The following GBP2 variants were observed in gnomAD, a reference collection of about 807,000 sequenced individuals.
GBP2 encodes the protein guanylate-binding protein 2.
A neutral mutation model predicts 60.8 loss-of-function variants in GBP2; 54 were observed. The ratio of observed to expected loss-of-function variants is 0.89; its 90% confidence interval spans 0.71 to 1.11. GBP2 has a LOEUF of 1.11. GBP2 is among the 50% of genes most tolerant of loss of function. The probability of loss-of-function intolerance (pLI) is 0.00; values close to 1 mark genes in which losing one functional copy is unlikely to be tolerated. For missense variants in GBP2, 665 were observed against 703.3 expected, an observed-to-expected ratio of 0.95 and a Z score of 0.62; for synonymous variants, 243 against 256.5, an observed-to-expected ratio of 0.95 and a Z score of 0.50.
At chr1:89,122,094 T>C in intron 1 of GBP2, 111 bp from the exon 2 acceptor site, 3 of 674,684 alleles carry the variant, frequency 4.4e-6, no homozygotes, top group South Asian at 6.6e-5. Flanking sequence ...CATTTTTTCA[T>C]ATACGTTTTT....
Position 89,108,227 on chromosome 1 carries a change from C to T in GBP2, c.1724G>A (p.Trp575Ter). ...TGATTTGCTTCTCATCTGGATATCC[C>T]ATATGTCTTTTTGAAGTCTCTTGCT... ...NESKRLQKDIWDIQMRSKSLE... is the reference protein window; with the variant it reads ...NESKRLQKDI The change falls in exon 11 of 11, where the codon TGG (tryptophan) becomes TAG (stop). Residue 575 changes from tryptophan to a stop codon, truncating the protein, a stop_gained. Coordinates refer to ENST00000370466, the MANE Select transcript of GBP2 (RefSeq NM_004120.5). LOFTEE classifies it low-confidence loss of function (END_TRUNC). The T allele has an allele frequency of 6.2e-7, 1 of 1,613,516 alleles. No homozygotes were observed.
rs754899560 is a variant in GBP2, at chr1:89,114,077, A to G, written c.1088T>C (p.Ile363Thr). ...DLHRDSEREAIEVFMKNSFKD... is the reference protein window; with the variant it reads ...DLHRDSEREATEVFMKNSFKD... Reference sequence around the variant, plus strand: ...GAAAGAGTTCTTCATGAAGACTTCAATGGCCTCTCTCTCACTGTCCCTGTG... The same window carrying G: ...GAAAGAGTTCTTCATGAAGACTTCAGTGGCCTCTCTCTCACTGTCCCTGTG... The change falls in exon 7 of 11, where the codon ATT becomes ACT. Residue 363 changes from isoleucine (I) to threonine (T), a missense_variant. Transcript: ENST00000370466. 39 of 1,614,108 alleles carry G rather than the reference A, an allele frequency of 2.4e-5. No homozygotes were observed. The highest frequency in any genetic ancestry group is 5.3e-5 in the African/African-American group (4 of 74,944).
rs147841544 is a variant in GBP2, at chr1:89,110,426, T to C, written c.1363-160A>G. 4.2e-3 allele frequency among the ~76,000 whole-genome samples: 634 copies of C among 152,230 alleles called. 3 individuals are homozygous for C. Among genetic ancestry groups the C allele is most frequent in the African/African-American group, 0.015 (603 of 41,540 alleles). ...AGCACAATTCGCAATTGTAAAAATA[T>C]GGAATGAGCCCAAATGCCCATCAAT... is the stretch of plus-strand genomic sequence containing the variant. On this transcript the variant is annotated intron_variant, in intron 8 of 10. Transcript: ENST00000370466.
chr1:89,125,614 T>C (rs1681502250), intron 1 of GBP2, among the ~76,000 whole-genome samples: 1 of 152,216 alleles, frequency 6.6e-6, no homozygotes, highest in South Asian at 2.1e-4. Flanking sequence ...CTAATAATGA[T>C]AAAGTTAATT....
At position 89,114,315 on chromosome 1, in the gene GBP2, A is replaced by T. The variant is rs114064192; in HGVS notation, c.869-19T>A. 2,819 of 1,606,854 alleles carry T rather than the reference A, an allele frequency of 1.8e-3. 39 individuals carry two copies. The African/African-American group carries it at 0.031, about 18-fold the overall frequency. ...TCTAGACCTGCAAAAGGGAATTTTT[A>T]AAAAAATGTGACTATCAGTTGGTGG... is the stretch of plus-strand genomic sequence containing the variant. On this transcript the variant is annotated intron_variant, in intron 6 of 10. Coordinates refer to ENST00000370466, the MANE Select transcript of GBP2 (RefSeq NM_004120.5).
chr1:89,108,827 A>G (rs770904032), intron 10 of GBP2, among the ~76,000 whole-genome samples: 6 of 152,196 alleles, frequency 3.9e-5, no homozygotes, highest in Non-Finnish European at 8.8e-5. Context: ...AAGAGCCCAG[A>G]GAACAAGAAA....
intron 6 of GBP2, among the ~76,000 whole-genome samples, chr1:89,115,328 C>T (rs192022661): frequency 2.2e-3 from 332 of 152,280 alleles, no homozygotes; most frequent in African/African-American, 7.7e-3. Flanking sequence ...TATGGCTCAA[C>T]CACTGCAAAT....
chr1:89,124,825 G>T (rs1262293377), intron 1 of GBP2, among the ~76,000 whole-genome samples: 2 of 152,176 alleles, frequency 1.3e-5, no homozygotes, highest in African/African-American at 2.4e-5. Context: ...TATGTTACCA[G>T]ATTTTAACCT....
chr1:89,117,333 A>C, intron 5 of GBP2, 99 bp from the exon 6 acceptor site: 2 of 1,095,948 alleles, frequency 1.8e-6, no homozygotes, highest in Non-Finnish European at 1.3e-6. Flanking sequence ...GTAAGGAGGA[A>C]ATTTATTAGG....
chr1:89,124,271 C>T (rs568921680), intron 1 of GBP2, among the ~76,000 whole-genome samples: 3 of 152,244 alleles, frequency 2.0e-5, no homozygotes, highest in East Asian at 3.9e-4. Context: ...GTGAGATTGC[C>T]AGGTCAAAAG....
In GBP2 at chr1:89,108,305, T is replaced by C. The variant is rs1439226877; in HGVS notation, c.1660-14A>G. On this transcript the variant is annotated splice_polypyrimidine_tract_variant and intron_variant, in intron 10 of 10. Coordinates refer to ENST00000370466, the MANE Select transcript of GBP2 (RefSeq NM_004120.5). ...GCGTTCCTGTTCCTAAAAGGGAAAG[T>C]GGAGACTAAGCCTATCCAGCTTAAC... is the stretch of plus-strand genomic sequence containing the variant. The C allele has an allele frequency of 1.6e-5, 24 of 1,513,624 alleles. No individual in the cohort carries two copies. The highest frequency in any genetic ancestry group is 2.2e-5 in the Non-Finnish European group (24 of 1,089,126). The allele number at this position is 1,513,624 out of a possible 1,614,324, so 93.8% of individuals were successfully genotyped here.
Position 89,108,282 on chromosome 1 carries a change from G to C in GBP2, c.1669C>G (p.Arg557Gly), listed in dbSNP as rs140265239. ...TTCTCGAATCCCTCCTTGAGAAGGC[G>C]TTCCTGTTCCTAAAAGGGAAAGTGG... ...TLALKLQEQE[R>G]LLKEGFENES... The change falls in exon 11 of 11, where the codon CGC (arginine) becomes GGC (glycine). Residue 557 changes from arginine (R) to glycine (G), a missense_variant. Arg to Gly is a moderately radical substitution (Grantham distance 125, BLOSUM62 -2). Coordinates refer to ENST00000370466, the MANE Select transcript of GBP2 (RefSeq NM_004120.5). 11 of 1,605,934 alleles carry C rather than the reference G, an allele frequency of 6.8e-6. No homozygotes were observed. The highest frequency in any genetic ancestry group is 8.5e-6 in the Non-Finnish European group (10 of 1,172,970).
In GBP2 at chr1:89,124,501, T is replaced by C. The variant is rs74971536; in HGVS notation, c.-18+1362A>G. Among the ~76,000 whole-genome samples, 7 of 152,368 alleles carry C rather than the reference T, an allele frequency of 4.6e-5. No homozygotes were observed. In the East Asian group the frequency reaches 1.3e-3, roughly 29 times the overall value. Reference sequence around the variant, plus strand: ...AGCAAAGCTGAGCTCACTAAGCTCATGTACACAGTAATAGGAACTTTTACC... The same window carrying C: ...AGCAAAGCTGAGCTCACTAAGCTCACGTACACAGTAATAGGAACTTTTACC... On this transcript the variant is annotated intron_variant, in intron 1 of 10. Transcript: ENST00000370466.
At position 89,112,592 on chromosome 1, in the gene GBP2, G is replaced by A. The variant is rs766904458; in HGVS notation, c.1242C>T (p.Gly414=). 6.2e-6 allele frequency: 10 copies of A among 1,614,046 alleles called. No individual in the cohort carries two copies. The South Asian group carries it at 6.6e-5, about 11-fold the overall frequency. Residue 414 remains glycine (G), a synonymous_variant, in exon 8 of 11, where the codon GGC becomes GGT. Transcript: ENST00000370466. The part of the protein sequence containing the change: ...CCMALLQDIF[G]PLEEDVKQGT... ...CCTGCTTGACATCTTCTTCTAAAGG[G>A]CCAAATATATCCTGAAGTAAAGCCA...
Position 89,112,678 on chromosome 1 carries a change from A to C in GBP2, c.1156T>G (p.Leu386Val), listed in dbSNP as rs373422153. Reference protein sequence around the residue: ...QMFQRKLGAQLEARRDDFCKQ... With the variant: ...QMFQRKLGAQVEARRDDFCKQ... ...CAAAAGTCATCTCGCCTTGCTTCCA[A>C]CTGGGCCTGTGAAGTGACAAAACAG... The change falls in exon 8 of 11, where the codon TTG becomes GTG. Residue 386 changes from leucine (L) to valine (V), a missense_variant. Transcript: ENST00000370466. 6.2e-7 allele frequency: 1 copy of C among 1,613,714 alleles called. No individual in the cohort carries two copies. Among genetic ancestry groups the C allele is most frequent in the African/African-American group, 1.3e-5 (1 of 74,912 alleles).
intron 8 of GBP2, 90 bp downstream of exon 8, chr1:89,112,382 C>T: frequency 4.0e-6 from 4 of 1,000,312 alleles, no homozygotes; most frequent in Non-Finnish European, 6.2e-6. Context: ...CCCTAGGCAC[C>T]AGTTGCAGTG....
At chr1:89,115,177 G>C (rs1681244165) in intron 6 of GBP2, among the ~76,000 whole-genome samples, 1 of 152,116 alleles carries the variant, frequency 6.6e-6, no homozygotes, top group African/African-American at 2.4e-5. Flanking sequence ...AGACAGGCTT[G>C]GCATTTCCTT....
intron 10 of GBP2, among the ~76,000 whole-genome samples, chr1:89,109,272 A>G (rs188338449): frequency 4.5e-4 from 68 of 152,292 alleles, no homozygotes; most frequent in Admixed American, 2.3e-3. Flanking sequence ...CAAAATCCCC[A>G]TGGATCCCTC....
At chr1:89,119,255 T>G (rs1681346755) in intron 4 of GBP2, 2 of 152,200 alleles carry the variant, frequency 1.3e-5, no homozygotes, top group African/African-American at 4.8e-5. Flanking sequence ...AGGGATCAAA[T>G]TTATGTAATG....
Sources: gnomAD v4.1 joint callset for allele counts (sites outside exome capture counted in the v4.1 genomes callset) on GRCh38, gnomAD v4.1.1 for gene constraint, MANE v1.5 for transcripts, NCBI Gene and HGNC (gene_info 2026-07-23, HGNC 2026-07-21) for gene names.